Variants in ECE1 observed in about 807,000 individuals in gnomAD.
ECE1 encodes endothelin converting enzyme 1, also known as endothelin-converting enzyme 1.
ECE1 carries 35 observed loss-of-function variants against 98.6 expected under a neutral mutation model. That is an observed-to-expected ratio of 0.35 (90% CI 0.27 to 0.47). The LOEUF (loss-of-function observed/expected upper bound fraction) is 0.47, where lower values mean the gene tolerates loss of function less well. ECE1 is among the 20% of genes least tolerant of loss of function. The pLI, the probability that ECE1 is intolerant of heterozygous loss-of-function variation, is 1.00. For synonymous variants in ECE1, 394 were observed against 407.1 expected (o/e 0.97, Z 0.39); for missense variants, 814 against 1,025.3 (o/e 0.79, Z 2.81).
At chr1:21,296,972 A>C (rs1638370167) in intron 1 of ECE1, among the ~76,000 whole-genome samples, 1 of 152,148 alleles carries the variant, frequency 6.6e-6, no homozygotes, top group Non-Finnish European at 1.5e-5. Context: ...TCAAGGTGAG[A>C]CTCAGGGAGA....
intron 4 of ECE1, among the ~76,000 whole-genome samples, chr1:21,268,018 C>T (rs571487123): frequency 2.6e-5 from 4 of 152,268 alleles, no homozygotes; most frequent in Admixed American, 6.5e-5. Flanking sequence ...ACAATGAGCA[C>T]GCATTGATTT....
At position 21,258,864 on chromosome 1, in the gene ECE1, G is replaced by C. The variant is rs376028641; in HGVS notation, c.616-25C>G. On this transcript the variant is annotated intron_variant, in intron 5 of 18. Coordinates refer to ENST00000374893, the MANE Select transcript of ECE1 (RefSeq NM_001397.3). This position sits in a 1 kb window ranked among gnomAD's most constrained non-coding sequence, Gnocchi z 4.2. Reference sequence around the variant, plus strand: ...GCTGTGGGGAGGGAGAGCAGGCAGGGAGGTGATGAGGTGGCGGGGAGACCC... The same window carrying C: ...GCTGTGGGGAGGGAGAGCAGGCAGGCAGGTGATGAGGTGGCGGGGAGACCC... 6.2e-7 allele frequency: 1 copy of C among 1,613,768 alleles called. No individual in the cohort carries two copies. The highest frequency in any genetic ancestry group is 1.3e-5 in the African/African-American group (1 of 75,036).
intron 4 of ECE1, among the ~76,000 whole-genome samples, chr1:21,265,659 G>A (rs888443364): frequency 7.2e-5 from 11 of 152,212 alleles, no homozygotes; most frequent in African/African-American, 9.6e-5. Context: ...AGGGGTGCTC[G>A]TCTCGGTATC....
At chr1:21,277,694 T>C (rs968812470) in intron 3 of ECE1, among the ~76,000 whole-genome samples, 4 of 152,246 alleles carry the variant, frequency 2.6e-5, no homozygotes, top group Non-Finnish European at 5.9e-5. Context: ...TTATTCATTT[T>C]ACTATCTGCA....
chr1:21,295,994 A>G (rs1414690908), intron 1 of ECE1, among the ~76,000 whole-genome samples: 1 of 152,098 alleles, frequency 6.6e-6, no homozygotes, highest in Non-Finnish European at 1.5e-5. Flanking sequence ...ACCACACCAG[A>G]GGGACATCCT....
rs955250253 is a variant in ECE1, at chr1:21,256,153, C to T, written c.829-15G>A. 2 of 1,592,424 alleles carry T rather than the reference C, an allele frequency of 1.3e-6. No individual in the cohort carries two copies. The highest frequency in any genetic ancestry group is 2.3e-5 in the East Asian group (1 of 44,364). ...CCGGTCAGCACCTGCAGGGCCCATA[C>T]CCCAAACTGTCAGTGGCTGCCCCCC... On this transcript the variant is annotated splice_polypyrimidine_tract_variant and intron_variant, in intron 7 of 18. Transcript: ENST00000374893.
chr1:21,300,626 A>C (rs530156057), intron 1 of ECE1, among the ~76,000 whole-genome samples: 1 of 152,096 alleles, frequency 6.6e-6, no homozygotes, highest in African/African-American at 2.4e-5. Context: ...CATAGAGATG[A>C]GGTTTTGCCA....
chr1:21,305,526 C>G (rs776833647), intron 1 of ECE1, among the ~76,000 whole-genome samples: 1 of 152,184 alleles, frequency 6.6e-6, no homozygotes, highest in Non-Finnish European at 1.5e-5. Context: ...TGGGCACATA[C>G]ACCAACGTCC....
intron 4 of ECE1, among the ~76,000 whole-genome samples, chr1:21,271,316 T>G (rs1160479395): frequency 1.3e-5 from 2 of 152,332 alleles, no homozygotes; most frequent in East Asian, 3.9e-4. Context: ...TTGCCTACTT[T>G]CCCTGTAATC....
intron 1 of ECE1, among the ~76,000 whole-genome samples, chr1:21,334,651 C>A (rs1215509484): frequency 6.6e-6 from 1 of 152,190 alleles, no homozygotes; most frequent in East Asian, 1.9e-4. Context: ...CTGGGAGAAT[C>A]CCAAGCCCAC....
chr1:21,263,407 A>G (rs2098229675), intron 4 of ECE1, among the ~76,000 whole-genome samples: 1 of 148,476 alleles, frequency 6.7e-6, no homozygotes, highest in African/African-American at 2.5e-5. Context: ...ACTAGGCTGG[A>G]GCGCAGGGGC....
chr1:21,252,180 A>G (rs944337162), intron 8 of ECE1, among the ~76,000 whole-genome samples: 4 of 152,218 alleles, frequency 2.6e-5, no homozygotes, highest in African/African-American at 9.6e-5. Flanking sequence ...CTTCAACACA[A>G]CCCTGGCCCT....
chr1:21,265,129 T>A (rs1434030210), intron 4 of ECE1, among the ~76,000 whole-genome samples: 1 of 152,170 alleles, frequency 6.6e-6, no homozygotes, highest in Admixed American at 6.5e-5. Flanking sequence ...TCCTACATAA[T>A]CCCCAGCCCC....
intron 1 of ECE1, among the ~76,000 whole-genome samples, chr1:21,335,524 C>A (rs1181550968): frequency 1.3e-5 from 2 of 152,172 alleles, no homozygotes; most frequent in Non-Finnish European, 2.9e-5. Context: ...GTCCCAGAGC[C>A]AGGGAATAGC....
chr1:21,239,753 C>G (rs1042133395), intron 10 of ECE1, among the ~76,000 whole-genome samples: 1 of 151,552 alleles, frequency 6.6e-6, no homozygotes, highest in African/African-American at 2.4e-5. Flanking sequence ...TGTTCTCTAT[C>G]TTTCTAAAAT....
In ECE1 at chr1:21,319,008, T is replaced by C. The variant is rs996200008; in HGVS notation, c.3+26368A>G. ...TGTGGGTTTTCAGTGGAGCTGGGTC[T>C]GTACAATCTCCCGGGCTCCGTTTTC... On this transcript the variant is annotated intron_variant, in intron 1 of 18. Transcript: ENST00000415912. The surrounding 1 kb of genome is among the most constrained non-coding windows in gnomAD (Gnocchi z 4.4). 2.0e-5 allele frequency among the ~76,000 whole-genome samples: 3 copies of C among 152,216 alleles called. No homozygotes were observed. The highest frequency in any genetic ancestry group is 7.2e-5 in the African/African-American group (3 of 41,462).
chr1:21,303,879 G>T (rs1214773348), intron 1 of ECE1, among the ~76,000 whole-genome samples: 2 of 152,012 alleles, frequency 1.3e-5, no homozygotes, highest in East Asian at 3.9e-4. Context: ...TCGAACTCTT[G>T]ACCTCAAGTG....
chr1:21,298,489 T>C (rs1569698970), intron 1 of ECE1: 2 of 324,324 alleles, frequency 6.2e-6, no homozygotes, highest in East Asian at 1.5e-4. Flanking sequence ...TGAATGGAGA[T>C]GATCATGGTG....
At position 21,319,829 on chromosome 1, in the gene ECE1, C is replaced by T. The variant is rs1374791145; in HGVS notation, c.3+25547G>A. 6.6e-6 allele frequency among the ~76,000 whole-genome samples: 1 copy of T among 152,152 alleles called. No homozygotes were observed. Among genetic ancestry groups the T allele is most frequent in the Non-Finnish European group, 1.5e-5 (1 of 68,032 alleles). The stretch of plus-strand genomic sequence containing the variant: ...GACAGGCTGAACAAACACACGCGGT[C>T]CCATGGCTTCTAGTGCCAGCCCCCA... On this transcript the variant is annotated intron_variant, in intron 1 of 18. Coordinates refer to the ECE1 transcript ENST00000415912. The surrounding 1 kb of genome is among the most constrained non-coding windows in gnomAD (Gnocchi z 4.4).
Sources: allele counts gnomAD v4.1 joint callset (sites outside exome capture counted in the v4.1 genomes callset), GRCh38; gene constraint gnomAD v4.1.1; non-coding constraint Gnocchi (gnomAD v3.1); transcripts MANE v1.5; gene names NCBI Gene and HGNC (gene_info 2026-07-23, HGNC 2026-07-21).